The following SAMD5 variants were observed in gnomAD, a reference collection of about 807,000 sequenced individuals.
The protein encoded by SAMD5 is sterile alpha motif domain containing 5, also known as sterile alpha motif domain-containing protein 5.
SAMD5 carries 13 observed loss-of-function variants against 11.3 expected under a neutral mutation model. That is an observed-to-expected ratio of 1.15 (90% confidence interval 0.75 to 1.83). The LOEUF is 1.83. Among genes scored for constraint, SAMD5 ranks in the 40% most tolerant of loss-of-function variants. SAMD5 has a pLI of 0.00. For missense variants in SAMD5, 255 were observed against 239.1 expected (o/e 1.07, Z -0.44); for synonymous variants, 129 against 111.3 (o/e 1.16, Z -1.00).
At chr6:147,855,767 A>G in the SAMD5 span, among the ~76,000 whole-genome samples, 1 of 152,210 alleles carries the variant, frequency 6.6e-6, no homozygotes, top group Non-Finnish European at 1.5e-5. Context: ...TGGAATAAAA[A>G]GCACAACCCA....
the SAMD5 span, among the ~76,000 whole-genome samples, chr6:147,743,509 A>G: frequency 6.6e-6 from 1 of 152,230 alleles, no homozygotes; most frequent in Non-Finnish European, 1.5e-5. Context: ...TCTCAAAAAA[A>G]AAAAAAAAGT....
At chr6:147,739,043 G>A (rs1791843449), downstream of SAMD5, among the ~76,000 whole-genome samples, 1 of 152,158 alleles carries the variant, frequency 6.6e-6, no homozygotes, top group Admixed American at 6.5e-5. Context: ...TTTCATCAGT[G>A]GTTTCCTCGG....
the SAMD5 span, among the ~76,000 whole-genome samples, chr6:147,746,067 T>C: frequency 6.6e-6 from 1 of 152,180 alleles, no homozygotes; most frequent in Non-Finnish European, 1.5e-5. Context: ...TTATCTGAGC[T>C]TCATTTCGCC....
At chr6:147,877,881 C>CACACACACACGATAGATA in the SAMD5 span, among the ~76,000 whole-genome samples, 2 of 82,326 alleles carry the variant, frequency 2.4e-5, no homozygotes, top group African/African-American at 9.3e-5. Context: ...CACACACACA[C>CACACACACACGATAGATA]GATAGATAGA....
At chr6:147,649,042 T>C (rs1304168569) in intron 1 of SAMD5, among the ~76,000 whole-genome samples, 1 of 152,200 alleles carries the variant, frequency 6.6e-6, no homozygotes, top group Admixed American at 6.5e-5. Context: ...GTTGGATTCT[T>C]ATTAGCAATG....
chr6:147,538,417 A>T (rs1788546905), intron 1 of SAMD5, among the ~76,000 whole-genome samples: 1 of 152,228 alleles, frequency 6.6e-6, no homozygotes, highest in Non-Finnish European at 1.5e-5. Flanking sequence ...ATAATCTTTT[A>T]ACAAAAACAC....
At chr6:147,774,855 A>G in the SAMD5 span, among the ~76,000 whole-genome samples, 1 of 151,808 alleles carries the variant, frequency 6.6e-6, no homozygotes, top group Admixed American at 6.6e-5. Flanking sequence ...TAACCAAACT[A>G]CTCCTTCCCT....
chr6:147,870,759 G>A, the SAMD5 span, among the ~76,000 whole-genome samples: 2 of 141,776 alleles, frequency 1.4e-5, no homozygotes, highest in South Asian at 4.8e-4. Context: ...GGGGCAGGAA[G>A]TCGGGGAAGG....
chr6:147,616,588 T>A (rs1789877161), intron 1 of SAMD5, among the ~76,000 whole-genome samples: 1 of 152,170 alleles, frequency 6.6e-6, no homozygotes, highest in African/African-American at 2.4e-5. Context: ...ATAACATTTG[T>A]TCCTTTGTTT....
At chr6:147,523,685 A>G (rs566811370) in intron 1 of SAMD5, among the ~76,000 whole-genome samples, 61 of 152,344 alleles carry the variant, frequency 4.0e-4, no homozygotes, top group African/African-American at 1.4e-3. Context: ...AAGATTTTAC[A>G]TGAAAATCCA....
At chr6:147,877,856 A>ACACACACACACACACT in the SAMD5 span, among the ~76,000 whole-genome samples, 1 of 145,304 alleles carries the variant, frequency 6.9e-6, no homozygotes, top group Non-Finnish European at 1.5e-5. Flanking sequence ...ATACACACAC[A>ACACACACACACACACT]CACACACACA....
At chr6:147,874,109 A>G in the SAMD5 span, among the ~76,000 whole-genome samples, 12 of 152,226 alleles carry the variant, frequency 7.9e-5, no homozygotes, top group Non-Finnish European at 1.3e-4. Context: ...TAATTGCTCA[A>G]AAAACTTTAG....
the SAMD5 span, among the ~76,000 whole-genome samples, chr6:147,887,463 G>A: frequency 6.6e-6 from 1 of 152,204 alleles, no homozygotes; most frequent in African/African-American, 2.4e-5. Context: ...CATTGAGTGA[G>A]ATCCATCTCA....
At chr6:147,806,507 A>G in the SAMD5 span, among the ~76,000 whole-genome samples, 1 of 152,294 alleles carries the variant, frequency 6.6e-6, no homozygotes, top group African/African-American at 2.4e-5. Flanking sequence ...GCTCCCGCCT[A>G]CTTGCTGGGA....
the SAMD5 span, among the ~76,000 whole-genome samples, chr6:147,891,018 T>G: frequency 5.2e-3 from 792 of 152,334 alleles, 1 homozygote; most frequent in African/African-American, 0.018. Flanking sequence ...TATGGATATT[T>G]CTAAAATATG....
chr6:147,938,317 A>T, the SAMD5 span, among the ~76,000 whole-genome samples: 1 of 151,596 alleles, frequency 6.6e-6, no homozygotes, highest in East Asian at 1.9e-4. Context: ...CAGTACTAAA[A>T]GTGTATTAAT....
chr6:147,826,775 T>C, the SAMD5 span, among the ~76,000 whole-genome samples: 4 of 152,156 alleles, frequency 2.6e-5, no homozygotes, highest in Admixed American at 2.0e-4. Context: ...TAATCTAGGG[T>C]CATCATTGTG....
chr6:147,906,968 C>T, the SAMD5 span, among the ~76,000 whole-genome samples: 6 of 152,166 alleles, frequency 3.9e-5, no homozygotes, highest in African/African-American at 9.7e-5. Flanking sequence ...ATAGCCAGTG[C>T]AATAGCTGCC....
intron 1 of SAMD5, among the ~76,000 whole-genome samples, chr6:147,637,162 C>G (rs1790242395): frequency 6.6e-6 from 1 of 152,194 alleles, no homozygotes; most frequent in Admixed American, 6.5e-5. Context: ...CCAGATCACT[C>G]CAGGTAGCAG....
Sources: gnomAD v4.1 joint callset for allele counts (sites outside exome capture counted in the v4.1 genomes callset) on GRCh38, gnomAD v4.1.1 for gene constraint, MANE v1.5 for transcripts, NCBI Gene and HGNC (gene_info 2026-07-23, HGNC 2026-07-21) for gene names.